ENPP4: variants seen among roughly 807,000 people sequenced by gnomAD.
ENPP4 encodes the protein ectonucleotide pyrophosphatase/phosphodiesterase 4.
Under a neutral mutation model 33.4 loss-of-function variants are expected in ENPP4, and 18 were observed. That is an observed-to-expected ratio of 0.54 (90% CI 0.37 to 0.80). The LOEUF (loss-of-function observed/expected upper bound fraction) is 0.80. Ranked by LOEUF, ENPP4 falls within the 30% of genes least tolerant of loss-of-function variation. The pLI is 0.00. For synonymous variants in ENPP4, 172 were observed against 189.9 expected, an observed-to-expected ratio of 0.91 and a Z score of 0.78; for missense variants, 480 against 541.7, an observed-to-expected ratio of 0.89 and a Z score of 1.13.
At chr6:46,142,131 A>G (rs1431634137) in intron 3 of ENPP4, among the ~76,000 whole-genome samples, 2 of 151,510 alleles carry the variant, frequency 1.3e-5, no homozygotes, top group East Asian at 1.9e-4. Context: ...TGAAGTTTGT[A>G]TATTATTTAC....
intron 1 of ENPP4, among the ~76,000 whole-genome samples, chr6:46,136,966 T>G (rs943831191): frequency 6.6e-6 from 1 of 151,950 alleles, no homozygotes; most frequent in African/African-American, 2.4e-5. Context: ...ACAAGCTCCC[T>G]TCAGTGATTC....
In ENPP4 at chr6:46,140,904, C is replaced by T; in HGVS notation, c.827-148C>T. On this transcript the variant is annotated intron_variant, in intron 2 of 3. Transcript: ENST00000321037. The stretch of plus-strand genomic sequence containing the variant: ...TGTGTTTGTGTGTATCAGTCCCCAA[C>T]ACTCTCACATTATTATTGCTCTGTT... 3 of 566,416 alleles carry T rather than the reference C, an allele frequency of 5.3e-6. No homozygotes were observed. In the South Asian group the frequency reaches 7.1e-5, roughly 13 times the overall value. 35.1% of individuals were successfully genotyped at this position (566,416 alleles called of 1,614,324 possible).
rs990110877 is a variant in ENPP4 at position 46,139,588 on chromosome 6, A to G, written c.5A>G (p.Lys2Arg). M[K>R]LLVILLFSGL... Reference sequence around the variant, plus strand: ...CTGTCCTTCAACGTGTTCATTATGAAGTTATTAGTAATACTTTTGTTTTCT... The same window carrying G: ...CTGTCCTTCAACGTGTTCATTATGAGGTTATTAGTAATACTTTTGTTTTCT... The change falls in exon 2 of 4, where the codon AAG becomes AGG. Residue 2 changes from lysine (K) to arginine (R), a missense_variant. Transcript: ENST00000321037. 4 of 1,506,422 alleles carry G rather than the reference A, an allele frequency of 2.7e-6. No homozygotes were observed. Among genetic ancestry groups the G allele is most frequent in the Admixed American group, 3.4e-5 (2 of 59,326 alleles). 93.3% of individuals were successfully genotyped at this position (1,506,422 alleles called of 1,614,324 possible).
chr6:46,140,294 T>C lies in ENPP4; in HGVS notation c.711T>C (p.Asp237=), dbSNP rs780688501. ...WENLNVIITS[D]HGMTQCSQDR... ...ATCTTAATGTGATCATTACAAGTGA[T>C]CATGGGATGACCCAGTGTTCTCAGG... Residue 237 remains aspartate, a synonymous_variant, in exon 2 of 4, where the codon GAT becomes GAC. Coordinates refer to ENST00000321037, the MANE Select transcript of ENPP4 (RefSeq NM_014936.5). The C allele has an allele frequency of 4.7e-5, 76 of 1,612,324 alleles. No homozygotes were observed. The highest frequency in any genetic ancestry group is 6.0e-5 in the Non-Finnish European group (71 of 1,178,908).
chr6:46,133,572 T>G (rs1339949121), intron 1 of ENPP4, among the ~76,000 whole-genome samples: 1 of 152,144 alleles, frequency 6.6e-6, no homozygotes, highest in African/African-American at 2.4e-5. Flanking sequence ...AATTAGAAGG[T>G]AGTTTGTCCC....
Position 46,143,522 on chromosome 6 carries a change from T to G in ENPP4, c.1244T>G (p.Leu415Arg). Residue 415 changes from leucine to arginine, a missense_variant, in exon 4 of 4, where the codon CTC becomes CGC. Around this residue, in one of 3 missense-constraint regions of ENPP4, gnomAD observed 249 missense variants for 251.8 expected, o/e 0.99. Transcript: ENST00000321037. ...PEAIAIVIGS[L>R]LVLTMLTCLI... ...GCCATCGCGATTGTTATCGGTTCAC[T>G]CTTGGTGTTAACCATGCTAACATGC... is the stretch of plus-strand genomic sequence containing the variant. 1 of 1,612,830 alleles carries G rather than the reference T, an allele frequency of 6.2e-7. No individual in the cohort carries two copies. Among genetic ancestry groups the G allele is most frequent in the Non-Finnish European group, 8.5e-7 (1 of 1,179,058 alleles).
rs990668378 is a variant in ENPP4, at chr6:46,130,168, A to G, written c.-55A>G. ...GCGAGCGCCGAGTTCCGCGCATTGGAAAGAAGCGACCGCGGCGGCTGGTGA... is the reference window on the plus strand; with the variant it reads ...GCGAGCGCCGAGTTCCGCGCATTGGGAAGAAGCGACCGCGGCGGCTGGTGA... On this transcript the variant is annotated 5_prime_UTR_variant, in exon 1 of 4. Coordinates refer to ENST00000321037, the MANE Select transcript of ENPP4 (RefSeq NM_014936.5). The G allele has an allele frequency of 3.9e-5, 6 of 152,212 alleles. No homozygotes were observed. Among genetic ancestry groups the G allele is most frequent in the Non-Finnish European group, 8.8e-5 (6 of 68,088 alleles). The allele number at this position is 152,212 out of a possible 1,614,324, so 9.4% of individuals were successfully genotyped here.
intron 1 of ENPP4, among the ~76,000 whole-genome samples, chr6:46,137,046 CAG>C (rs1323647322): frequency 1.4e-4 from 22 of 151,806 alleles, no homozygotes; most frequent in Non-Finnish European, 1.2e-4. Flanking sequence ...ATCATATACT[CAG>C]GGGATCTCTT....
intron 1 of ENPP4, among the ~76,000 whole-genome samples, chr6:46,130,445 G>A (rs1763876611): frequency 6.6e-6 from 1 of 152,218 alleles, no homozygotes; most frequent in Non-Finnish European, 1.5e-5. Flanking sequence ...GCAACCTGTG[G>A]TGTTAAGTGT....
chr6:46,142,869 C>T (rs1368279997), intron 3 of ENPP4, among the ~76,000 whole-genome samples: 1 of 151,718 alleles, frequency 6.6e-6, no homozygotes, highest in East Asian at 1.9e-4. Context: ...TTCTTTTTCT[C>T]CATTTGTTGG....
At position 46,143,657 on chromosome 6, in the gene ENPP4, T is replaced by C. The variant is rs199785345; in HGVS notation, c.*17T>C. The C allele has an allele frequency of 1.6e-4, 259 of 1,581,054 alleles. No individual in the cohort carries two copies. Among genetic ancestry groups the C allele is most frequent in the Admixed American group, 9.2e-4 (52 of 56,524 alleles). ...ATTGGGTGACATGTGCTAGGGCTTA[T>C]ACAAAGTGTCTTTGATTAATCACAA... On this transcript the variant is annotated 3_prime_UTR_variant, in exon 4 of 4. Transcript: ENST00000321037.
intron 3 of ENPP4, among the ~76,000 whole-genome samples, chr6:46,141,515 GAAGTA>G (rs1764062355): frequency 6.6e-6 from 1 of 151,578 alleles, no homozygotes; most frequent in Non-Finnish European, 1.5e-5. Flanking sequence ...ACAAAATAGA[GAAGTA>G]AAGAAACAGT....
chr6:46,138,364 G>A (rs896211557), intron 1 of ENPP4, among the ~76,000 whole-genome samples: 2 of 151,852 alleles, frequency 1.3e-5, no homozygotes, highest in African/African-American at 4.8e-5. Flanking sequence ...TTTTGTTCAT[G>A]CCTGTGCCAG....
At chr6:46,142,269 C>A (rs1764072644) in intron 3 of ENPP4, among the ~76,000 whole-genome samples, 2 of 22,658 alleles carry the variant, frequency 8.8e-5, no homozygotes, top group African/African-American at 2.7e-4. Flanking sequence ...GACATTTCTC[C>A]CCATCCAATC....
intron 1 of ENPP4, among the ~76,000 whole-genome samples, chr6:46,131,943 G>A (rs1763908109): frequency 6.6e-6 from 1 of 151,950 alleles, no homozygotes; most frequent in South Asian, 2.1e-4. Context: ...TTTTTTGGCT[G>A]CATAAATGTC....
chr6:46,143,787 T>G lies in ENPP4; in HGVS notation c.*147T>G. 1.2e-6 allele frequency: 1 copy of G among 863,620 alleles called. No homozygotes were observed. Among genetic ancestry groups the G allele is most frequent in the Non-Finnish European group, 1.7e-6 (1 of 573,540 alleles). 53.5% of individuals were successfully genotyped at this position (863,620 alleles called of 1,614,324 possible). A position where few individuals can be genotyped will look rare whatever the true frequency, so the allele number is the denominator to read the frequency against. On this transcript the variant is annotated 3_prime_UTR_variant, in exon 4 of 4. Coordinates refer to ENST00000321037, the MANE Select transcript of ENPP4 (RefSeq NM_014936.5). ...GTTAAAATTATTACTTTGTTTTCCT[T>G]GTGTTTTGTTTCGGTGCATTTGCTA...
chr6:46,145,433 A>G lies in ENPP4; in HGVS notation c.*1793A>G, dbSNP rs1764128262. On this transcript the variant is annotated 3_prime_UTR_variant, in exon 4 of 4. Transcript: ENST00000321037. ...ATTTCTAATTTTTTTCACATAAAACAATTATCCTAAAGGTTAATAGTTGAT... is the reference window on the plus strand; with the variant it reads ...ATTTCTAATTTTTTTCACATAAAACGATTATCCTAAAGGTTAATAGTTGAT... 6.6e-6 allele frequency: 1 copy of G among 152,126 alleles called. No homozygotes were observed. Among genetic ancestry groups the G allele is most frequent in the Non-Finnish European group, 1.5e-5 (1 of 68,048 alleles). The allele number at this position is 152,126 out of a possible 1,614,324, so 9.4% of individuals were successfully genotyped here. A position where few individuals can be genotyped will look rare whatever the true frequency, so the allele number is the denominator to read the frequency against.
chr6:46,145,073 G>A lies in ENPP4; in HGVS notation c.*1433G>A, dbSNP rs975401896. 2.5e-6 allele frequency: 1 copy of A among 393,338 alleles called. No individual in the cohort carries two copies. 24.4% of individuals were successfully genotyped at this position (393,338 alleles called of 1,614,324 possible). ...AACCATTCATCAGTACGTGAGACAA[G>A]CAGTTAATAGTATGATCTTTAAAGT... On this transcript the variant is annotated 3_prime_UTR_variant, in exon 4 of 4. Coordinates refer to ENST00000321037, the MANE Select transcript of ENPP4 (RefSeq NM_014936.5).
At chr6:46,139,506 A>T in intron 1 of ENPP4, 45 bp from the exon 2 acceptor site, 1 of 785,838 alleles carries the variant, frequency 1.3e-6, no homozygotes, top group Non-Finnish European at 2.1e-6. Flanking sequence ...ACTTAACCCA[A>T]ATGAAATAGA....
Sources: allele counts gnomAD v4.1 joint callset (sites outside exome capture counted in the v4.1 genomes callset), GRCh38; gene constraint gnomAD v4.1.1; regional missense constraint gnomAD v4.1.1; transcripts MANE v1.5; gene names NCBI Gene and HGNC (gene_info 2026-07-23, HGNC 2026-07-21).